Variants in TJP2 observed in about 807,000 individuals in gnomAD.
TJP2 encodes the protein tight junction protein 2.
A neutral mutation model predicts 133.1 loss-of-function variants in TJP2; 91 were observed. The ratio of observed to expected loss-of-function variants is 0.68; its 90% CI spans 0.58 to 0.81. The LOEUF (loss-of-function observed/expected upper bound fraction) is 0.81. TJP2 is among the 40% of genes least tolerant of loss of function. TJP2 has a pLI of 0.00. For missense variants in TJP2, 1,541 were observed against 1,565.6 expected, an observed-to-expected ratio of 0.98 and a Z score of 0.26; for synonymous variants, 592 against 583.4, an observed-to-expected ratio of 1.01 and a Z score of -0.21.
At position 69,248,185 on chromosome 9, in the gene TJP2, G is replaced by A. The variant is rs778692947; in HGVS notation, c.2841G>A (p.Ser947=). Residue 947 remains serine, a synonymous_variant, in exon 19 of 23, where the codon TCG becomes TCA. Transcript: ENST00000377245. ...AGCCAGCCGAGGAGCCGCTGGTGTC[G>A]TCCATCACCCGCTCCTCGGAGCCGG... ...LDEPAEEPLV[S]SITRSSEPVQ... is the part of the protein sequence containing the mutation. The A allele has an allele frequency of 1.1e-5, 17 of 1,612,096 alleles. No individual in the cohort carries two copies. Among genetic ancestry groups the A allele is most frequent in the South Asian group, 4.4e-5 (4 of 90,850 alleles).
chr9:69,206,271 C>T (rs148277534), intron 1 of TJP2, among the ~76,000 whole-genome samples: 5 of 152,228 alleles, frequency 3.3e-5, no homozygotes, highest in African/African-American at 7.2e-5. Context: ...GGTGACTTGG[C>T]GTTTTCTGCA....
At chr9:69,194,135 C>T (rs909163721) in intron 1 of TJP2, among the ~76,000 whole-genome samples, 2 of 152,148 alleles carry the variant, frequency 1.3e-5, no homozygotes, top group African/African-American at 4.8e-5. Context: ...TCATGTGCCT[C>T]TATAAGGAAT....
chr9:69,239,608 T>TG (rs1300741206), intron 16 of TJP2, among the ~76,000 whole-genome samples: 2 of 152,016 alleles, frequency 1.3e-5, no homozygotes, highest in African/African-American at 4.8e-5. Context: ...GTCAGGAGTT[T>TG]GGGACCAGCC....
intron 1 of TJP2, among the ~76,000 whole-genome samples, chr9:69,176,800 T>C (rs1044428141): frequency 2.0e-5 from 3 of 152,174 alleles, no homozygotes; most frequent in African/African-American, 7.2e-5. Flanking sequence ...AGATTTTGAG[T>C]TTAGCAAGGT....
chr9:69,231,141 G>A (rs1374396685), intron 11 of TJP2, among the ~76,000 whole-genome samples: 1 of 151,518 alleles, frequency 6.6e-6, no homozygotes, highest in Non-Finnish European at 1.5e-5. Flanking sequence ...TGACAGTCTC[G>A]CTCTGTCACC....
chr9:69,177,641 T>TG (rs1825192831), intron 1 of TJP2, among the ~76,000 whole-genome samples: 2 of 148,832 alleles, frequency 1.3e-5, no homozygotes, highest in East Asian at 3.9e-4. Context: ...ATTTTATTTT[T>TG]GTTTTTTTGG....
rs1284322615 is a variant in TJP2, at chr9:69,251,195, A to G, written c.3152A>G (p.Lys1051Arg). Reference protein sequence around the residue: ...AKPTFGRSILKPSTPIPPQEG... With the variant: ...AKPTFGRSILRPSTPIPPQEG... ...CCTACCTTTGGGCGGTCTATACTGAAGCCCTCCACTCCCATCCCTCCTCAA... is the reference window on the plus strand; with the variant it reads ...CCTACCTTTGGGCGGTCTATACTGAGGCCCTCCACTCCCATCCCTCCTCAA... Residue 1051 changes from lysine (K) to arginine (R), a missense_variant, in exon 21 of 23, where the codon AAG becomes AGG. Physicochemically the swap from Lys to Arg is conservative, Grantham distance 26 (BLOSUM62 2). Coordinates refer to ENST00000377245, the MANE Select transcript of TJP2 (RefSeq NM_004817.4). 1.6e-5 allele frequency: 26 copies of G among 1,614,104 alleles called. No individual in the cohort carries two copies. The highest frequency in any genetic ancestry group is 2.0e-5 in the Non-Finnish European group (24 of 1,180,016).
rs756017678 is a variant in TJP2, at chr9:69,254,351, C to T, written c.3550C>T (p.Arg1184Ter). ...GCGCGGTTACTATGGCCAGTCTGCCCGATACCGGGACACAGAATTATAGAT... is the reference window on the plus strand; with the variant it reads ...GCGCGGTTACTATGGCCAGTCTGCCTGATACCGGGACACAGAATTATAGAT... ...SKRGYYGQSA[R>*]YRDTEL The change falls in exon 23 of 23, where the codon CGA becomes TGA. Residue 1184 changes from arginine (R) to a stop codon, truncating the protein, a stop_gained. Coordinates refer to ENST00000377245, the MANE Select transcript of TJP2 (RefSeq NM_004817.4). LOFTEE classifies it high-confidence loss of function. 1.2e-5 allele frequency: 19 copies of T among 1,614,076 alleles called. No individual in the cohort carries two copies. The highest frequency in any genetic ancestry group is 1.4e-5 in the Non-Finnish European group (17 of 1,180,050).
At chr9:69,150,378 C>G (rs1364707994) in intron 1 of TJP2, among the ~76,000 whole-genome samples, 1 of 150,662 alleles carries the variant, frequency 6.6e-6, no homozygotes, top group Non-Finnish European at 1.5e-5. Flanking sequence ...ACTGCAACCT[C>G]TGCCTCCTGG....
upstream of TJP2, chr9:69,174,162 AGCGCGGAGGCGCCACGCTCGGGTCGG>A: frequency 7.9e-7 from 1 of 1,272,822 alleles, no homozygotes; most frequent in Non-Finnish European, 9.9e-7. Flanking sequence ...CCGGGCGGCC[AGCGCGGAGGCGCCACGCTCGGGTCGG>A]GGGCGGGCTG....
At chr9:69,139,573 G>A (rs944493281) in intron 1 of TJP2, among the ~76,000 whole-genome samples, 2 of 152,132 alleles carry the variant, frequency 1.3e-5, no homozygotes, top group African/African-American at 4.8e-5. Flanking sequence ...CCTTGGTCTT[G>A]GACTCGCAGG....
intron 2 of TJP2, 67 bp from the exon 3 acceptor site, chr9:69,216,272 T>C: frequency 1.3e-6 from 2 of 1,592,704 alleles, no homozygotes; most frequent in Non-Finnish European, 1.7e-6. Flanking sequence ...TTTTATTGAG[T>C]GCTTGTAATA....
rs1210182899 is a variant in TJP2 at position 69,226,049 on chromosome 9, T to A, written c.1084T>A (p.Ser362Thr). ...KINGTVTENM[S>T]LTDARKLIEK... ...CAATGGGACTGTAACTGAGAACATG[T>A]CTTTAACGGATGCTCGAAAATTGAT... The change falls in exon 7 of 23, where the codon TCT (serine) becomes ACT (threonine). Residue 362 changes from serine (S) to threonine (T), a missense_variant. Ser to Thr is a moderately conservative substitution (Grantham distance 58). Transcript: ENST00000377245. 4.3e-6 allele frequency: 7 copies of A among 1,614,186 alleles called. No homozygotes were observed. Among genetic ancestry groups the A allele is most frequent in the Non-Finnish European group, 5.9e-6 (7 of 1,180,022 alleles).
At chr9:69,254,109 G>T in intron 22 of TJP2, 100 bp from the exon 23 acceptor site, 1 of 1,379,084 alleles carries the variant, frequency 7.3e-7, no homozygotes. Flanking sequence ...TAAGTGATCT[G>T]CTCGGGATAC....
chr9:69,244,144 A>G (rs1249817559), intron 17 of TJP2, among the ~76,000 whole-genome samples: 1 of 149,842 alleles, frequency 6.7e-6, no homozygotes, highest in Non-Finnish European at 1.5e-5. Flanking sequence ...AGATTGCACT[A>G]CAGCACTCCA....
At chr9:69,235,424 C>G (rs1435951463) in intron 12 of TJP2, among the ~76,000 whole-genome samples, 1 of 151,866 alleles carries the variant, frequency 6.6e-6, no homozygotes, top group Non-Finnish European at 1.5e-5. Context: ...CCAGGTTCAC[C>G]CCATTCTCCT....
intron 1 of TJP2, among the ~76,000 whole-genome samples, chr9:69,187,996 G>T (rs771042773): frequency 2.3e-4 from 35 of 152,190 alleles, no homozygotes; most frequent in Non-Finnish European, 4.4e-4. Context: ...TGTGTTATTG[G>T]ACTGAGAAGT....
chr9:69,191,616 T>A (rs923992970), intron 1 of TJP2, among the ~76,000 whole-genome samples: 1 of 152,238 alleles, frequency 6.6e-6, no homozygotes, highest in African/African-American at 2.4e-5. Flanking sequence ...GACCTTTCTG[T>A]GTCCTAAAAA....
At chr9:69,155,487 C>T (rs1178962264) in intron 2 of TJP2, among the ~76,000 whole-genome samples, 2 of 152,238 alleles carry the variant, frequency 1.3e-5, no homozygotes, top group Non-Finnish European at 2.9e-5. Context: ...GGGCCCCACC[C>T]CCAGGGTTTC....
Sources: gnomAD v4.1 joint callset for allele counts (sites outside exome capture counted in the v4.1 genomes callset) on GRCh38, gnomAD v4.1.1 for gene constraint, MANE v1.5 for transcripts, NCBI Gene and HGNC (gene_info 2026-07-23, HGNC 2026-07-21) for gene names.